Variants in KCNMA1 observed in about 807,000 individuals in gnomAD.
KCNMA1 encodes the protein potassium calcium-activated channel subfamily M alpha 1.
In KCNMA1, 29 loss-of-function variants were observed where a neutral mutation model predicts 140.0. The ratio of observed to expected loss-of-function variants is 0.21; its 90% CI spans 0.15 to 0.28. KCNMA1 has a LOEUF of 0.28. Ranked by LOEUF, KCNMA1 falls within the 10% of genes least tolerant of loss-of-function variation. KCNMA1 has a pLI of 1.00. For synonymous variants in KCNMA1, 612 were observed against 611.9 expected (o/e 1.00, Z 0.00); for missense variants, 880 against 1,602.2 (o/e 0.55, Z 7.70).
intron 1 of KCNMA1, chr10:77,636,610 C>G (rs757612407): frequency 6.5e-7 from 1 of 1,536,156 alleles, no homozygotes; most frequent in Non-Finnish European, 8.7e-7. Context: ...TATGCGACCT[C>G]GACACATTCC....
chr10:77,276,684 G>C (rs1374106086), intron 2 of KCNMA1, among the ~76,000 whole-genome samples: 1 of 152,112 alleles, frequency 6.6e-6, no homozygotes, highest in Admixed American at 6.5e-5. Context: ...GATCCCCAGG[G>C]AGTGGGTTTC....
At chr10:76,942,870 AGAG>A (rs955588192) in intron 23 of KCNMA1, among the ~76,000 whole-genome samples, 5 of 152,204 alleles carry the variant, frequency 3.3e-5, no homozygotes, top group Non-Finnish European at 5.9e-5. Flanking sequence ...CCTCCCCAGG[AGAG>A]GAGGAGCATC....
chr10:77,392,786 A>C (rs12221259), intron 2 of KCNMA1, among the ~76,000 whole-genome samples: 9,091 of 152,232 alleles, frequency 0.06, 370 homozygotes, highest in East Asian at 0.18. Flanking sequence ...ACCTGTCAAA[A>C]TGTACATCAA....
chr10:76,918,659 G>A (rs1425539204), intron 23 of KCNMA1, among the ~76,000 whole-genome samples: 1 of 152,140 alleles, frequency 6.6e-6, no homozygotes, highest in Non-Finnish European at 1.5e-5. Context: ...AACTACTACA[G>A]CCACTATGGA....
intron 2 of KCNMA1, among the ~76,000 whole-genome samples, chr10:77,254,285 G>A (rs1229458772): frequency 1.3e-5 from 2 of 150,120 alleles, no homozygotes; most frequent in East Asian, 2.0e-4. Context: ...GCAGTGGCGC[G>A]ATCTCAGTTC....
intron 1 of KCNMA1, among the ~76,000 whole-genome samples, chr10:77,406,176 G>T (rs2096465477): frequency 6.6e-6 from 1 of 152,148 alleles, no homozygotes; most frequent in Admixed American, 6.5e-5. Flanking sequence ...GTTAGGTCTT[G>T]CCCTGGTCCC....
intron 11 of KCNMA1, among the ~76,000 whole-genome samples, chr10:77,085,114 C>A (rs1028784400): frequency 6.6e-5 from 10 of 152,170 alleles, no homozygotes; most frequent in Non-Finnish European, 1.2e-4. Flanking sequence ...GGTTAAATCC[C>A]TTCTCTCCAG....
chr10:77,440,157 A>G (rs1420966724), intron 1 of KCNMA1, among the ~76,000 whole-genome samples: 1 of 152,168 alleles, frequency 6.6e-6, no homozygotes, highest in Non-Finnish European at 1.5e-5. Flanking sequence ...GAAAAAAAAC[A>G]AGCAAATTCT....
At chr10:77,152,201 T>C (rs1397774516) in intron 5 of KCNMA1, among the ~76,000 whole-genome samples, 3 of 152,104 alleles carry the variant, frequency 2.0e-5, no homozygotes, top group African/African-American at 7.2e-5. Flanking sequence ...GAAATTTAAG[T>C]CCTGGTTCTA....
intron 2 of KCNMA1, among the ~76,000 whole-genome samples, chr10:77,370,179 A>G (rs1181122843): frequency 6.6e-6 from 1 of 152,164 alleles, no homozygotes; most frequent in Non-Finnish European, 1.5e-5. Context: ...TCTGCTTTGG[A>G]TGTGCACCAA....
At chr10:77,157,767 G>A (rs1361764158) in intron 5 of KCNMA1, among the ~76,000 whole-genome samples, 1 of 152,182 alleles carries the variant, frequency 6.6e-6, no homozygotes. Flanking sequence ...CAAAGTCTAG[G>A]AGGCCTGAGC....
At chr10:77,353,867 G>A (rs1204275778) in intron 2 of KCNMA1, among the ~76,000 whole-genome samples, 1 of 151,730 alleles carries the variant, frequency 6.6e-6, no homozygotes, top group Non-Finnish European at 1.5e-5. Context: ...GCTGGGACAT[G>A]AACGCAGGCA....
chr10:77,548,563 T>C (rs1422919309), intron 1 of KCNMA1, among the ~76,000 whole-genome samples: 1 of 152,220 alleles, frequency 6.6e-6, no homozygotes, highest in Non-Finnish European at 1.5e-5. Flanking sequence ...GAAGCTGACC[T>C]GGTGGCAGCT....
At chr10:77,264,737 C>T (rs897826560) in intron 2 of KCNMA1, among the ~76,000 whole-genome samples, 11 of 152,176 alleles carry the variant, frequency 7.2e-5, no homozygotes, top group Admixed American at 5.9e-4. Context: ...GGTTTACGGT[C>T]TCTTGCTGTC....
chr10:76,903,248 C>A (rs892397043), intron 25 of KCNMA1: 2 of 152,192 alleles, frequency 1.3e-5, no homozygotes, highest in Admixed American at 6.5e-5. Flanking sequence ...GCTGTCAAGC[C>A]TTTTAAACTA....
At chr10:76,878,700 G>T (rs1401687799) in intron 29 of KCNMA1, among the ~76,000 whole-genome samples, 5 of 152,146 alleles carry the variant, frequency 3.3e-5, no homozygotes, top group Non-Finnish European at 5.9e-5. Context: ...ATACAGAAAT[G>T]GCTGAGAGAG....
chr10:76,873,945 GA>G (rs1252041639), downstream of KCNMA1: 16 of 152,222 alleles, frequency 1.1e-4, no homozygotes, highest in African/African-American at 3.9e-4. Flanking sequence ...TTCACATGGG[GA>G]AACATAAATG....
chr10:77,090,813 C>T, intron 9 of KCNMA1: 1 of 465,744 alleles, frequency 2.1e-6, no homozygotes, highest in East Asian at 4.0e-5. Context: ...TGACATTATG[C>T]TTGTGCTTAA....
intron 1 of KCNMA1, among the ~76,000 whole-genome samples, chr10:77,550,056 C>T (rs563279612): frequency 5.3e-5 from 8 of 152,196 alleles, no homozygotes; most frequent in Admixed American, 1.3e-4. Context: ...TAAGATTCAG[C>T]ATTGTGCACG....
Sources: allele counts gnomAD v4.1 joint callset (sites outside exome capture counted in the v4.1 genomes callset), GRCh38; gene constraint gnomAD v4.1.1; transcripts MANE v1.5; gene names NCBI Gene and HGNC (gene_info 2026-07-23, HGNC 2026-07-21).